P2RX6: variants seen among roughly 807,000 people sequenced by gnomAD.
P2RX6 encodes purinergic receptor P2X 6, also known as P2X purinoceptor 6.
Under a neutral mutation model 54.2 loss-of-function variants are expected in P2RX6, and 62 were observed. That is an observed-to-expected ratio of 1.14 (90% CI 0.93 to 1.41). The LOEUF (loss-of-function observed/expected upper bound fraction) is 1.41. P2RX6 is among the 40% of genes most tolerant of loss of function. The pLI, the probability that P2RX6 is intolerant of heterozygous loss-of-function variation, is 0.00. For missense variants in P2RX6, 541 were observed against 566.3 expected, an observed-to-expected ratio of 0.96 and a Z score of 0.45; for synonymous variants, 211 against 231.9, an observed-to-expected ratio of 0.91 and a Z score of 0.82.
exon 12 of P2RX6, chr22:21,027,984 TCACGGAGTAAAGCCAGCAAAGC>T: frequency 6.6e-6 from 1 of 152,040 alleles, no homozygotes; most frequent in African/African-American, 2.4e-5. Context: ...CTGGACAAAG[TCACGGAGTAAAGCCAGCAAAGC>T]CACCCTCTTC....
chr22:21,012,060 G>T (rs8139179), upstream of P2RX6, among the ~76,000 whole-genome samples: 416 of 152,320 alleles, frequency 2.7e-3, 2 homozygotes, highest in African/African-American at 9.6e-3. Flanking sequence ...ATGAGGTCTT[G>T]TGGGGGCCAT....
intron 3 of P2RX6, among the ~76,000 whole-genome samples, chr22:21,022,315 A>C (rs1216211995): frequency 6.6e-6 from 1 of 152,230 alleles, no homozygotes; most frequent in African/African-American, 2.4e-5. Context: ...GCGAGGCTGT[A>C]GTGAGCCATG....
At position 21,016,027 on chromosome 22, in the gene P2RX6, G is replaced by C; in HGVS notation, c.250G>C (p.Val84Leu). The C allele has an allele frequency of 6.4e-7, 1 of 1,556,142 alleles. No individual in the cohort carries two copies. Among genetic ancestry groups the C allele is most frequent in the Non-Finnish European group, 8.7e-7 (1 of 1,150,526 alleles). Residue 84 changes from valine (V) to leucine (L), a missense_variant, in exon 2 of 12, where the codon GTC (valine) becomes CTC (leucine). Val to Leu is a conservative substitution (Grantham distance 32, BLOSUM62 1). This residue lies in a region of P2RX6 where 526 missense variants were observed against 531.5 expected (regional missense o/e 0.99). Coordinates refer to ENST00000413302, the MANE Select transcript of P2RX6 (RefSeq NM_005446.5). ...SIITKLKGVSVTQIKELGNRL... is the reference protein window; with the variant it reads ...SIITKLKGVSLTQIKELGNRL... ...CATCACCAAACTCAAAGGGGTTTCC[G>C]TCACTCAGATCAAGGAGCTTGGAAA...
At chr22:21,015,000 G>A, upstream of P2RX6, 1 of 518,636 alleles carries the variant, frequency 1.9e-6, no homozygotes, top group South Asian at 2.8e-5. Context: ...CAAAGGGAAT[G>A]TAGGGAGGGT....
intron 3 of P2RX6, among the ~76,000 whole-genome samples, chr22:21,020,869 G>A (rs542020789): frequency 6.6e-6 from 1 of 152,046 alleles, no homozygotes; most frequent in South Asian, 2.1e-4. Context: ...TGGGATTACA[G>A]GTGTGCCAGG....
At position 21,026,453 on chromosome 22, in the gene P2RX6, TG is replaced by T; in HGVS notation, c.1164del (p.Trp388Ter). The T allele has an allele frequency of 6.2e-7, 1 of 1,603,668 alleles. No homozygotes were observed. The highest frequency in any genetic ancestry group is 8.5e-7 in the Non-Finnish European group (1 of 1,175,586). On this transcript the variant is annotated frameshift_variant, in exon 12 of 12. Transcript: ENST00000413302. LOFTEE classifies it low-confidence loss of function (END_TRUNC). The surrounding 1 kb of genome is among the most constrained non-coding windows in gnomAD (Gnocchi z 4.0). Reference sequence around the variant, plus strand: ...CCCGAAAGCAACCGCCAACTCTGTGTGGAGGGAGCTGGCCCTTGCATCCCAA... The same window carrying T: ...CCCGAAAGCAACCGCCAACTCTGTGTGAGGGAGCTGGCCCTTGCATCCCAA... ...KAPKATANSV[W>X]RELALASQAR...
At position 21,023,027 on chromosome 22, in the gene P2RX6, T is replaced by C; in HGVS notation, c.549T>C (p.Val183=). The change falls in exon 5 of 12, where the codon GTT becomes GTC. Residue 183 remains valine, a synonymous_variant. Transcript: ENST00000413302. ...IWSWCPVESG[V]VPSRPLLAQA... Reference sequence around the variant, plus strand: ...GTTGGTGCCCCGTGGAGAGTGGCGTTGTGCCCTCGTAAGTGTCCCCACAAT... The same window carrying C: ...GTTGGTGCCCCGTGGAGAGTGGCGTCGTGCCCTCGTAAGTGTCCCCACAAT... 6.2e-7 allele frequency: 1 copy of C among 1,613,368 alleles called. No individual in the cohort carries two copies. The highest frequency in any genetic ancestry group is 8.5e-7 in the Non-Finnish European group (1 of 1,179,428).
upstream of P2RX6, chr22:21,012,751 C>T: frequency 6.5e-6 from 2 of 307,386 alleles, no homozygotes; most frequent in Non-Finnish European, 1.2e-5. Flanking sequence ...AAGTACCCCC[C>T]TTTCCACCTG....
chr22:21,012,015 G>A (rs1301492066), upstream of P2RX6, among the ~76,000 whole-genome samples: 1 of 152,204 alleles, frequency 6.6e-6, no homozygotes, highest in Non-Finnish European at 1.5e-5. Flanking sequence ...CTTCAGGAGT[G>A]CATTTCACTT....
chr22:21,017,925 C>T, intron 2 of P2RX6, 64 bp from the exon 3 acceptor site: 2 of 1,028,756 alleles, frequency 1.9e-6, no homozygotes, highest in Non-Finnish European at 3.0e-6. Context: ...AACCAGGCTG[C>T]CGGCTTCCGG....
intron 3 of P2RX6, 102 bp from the exon 4 acceptor site, chr22:21,022,574 G>T (rs372351): frequency 0.13 from 101,326 of 810,424 alleles, 8,654 homozygotes; most frequent in East Asian, 0.4. Context: ...AGGTGGGAAG[G>T]GGGCCTGTCC....
chr22:21,016,499 G>GT (rs1926408686), intron 2 of P2RX6, among the ~76,000 whole-genome samples: 1 of 150,236 alleles, frequency 6.7e-6, no homozygotes, highest in Admixed American at 6.7e-5. Flanking sequence ...TGGGGCAGGA[G>GT]AATGGCATGA....
At chr22:21,025,462 C>A (rs1012425364) in intron 8 of P2RX6, among the ~76,000 whole-genome samples, 2 of 152,156 alleles carry the variant, frequency 1.3e-5, no homozygotes, top group African/African-American at 4.8e-5. Flanking sequence ...TCAGGCCCAG[C>A]CTCATGTCCC....
chr22:21,013,333 A>G (rs1489768927), upstream of P2RX6: 1 of 152,644 alleles, frequency 6.6e-6, no homozygotes, highest in East Asian at 1.9e-4. Flanking sequence ...CATATGACAG[A>G]TAAGAACATC....
In P2RX6 at chr22:21,015,438, G is replaced by A. The variant is rs112781073; in HGVS notation, c.164+100G>A. 6.0e-4 allele frequency: 813 copies of A among 1,351,694 alleles called. 9 individuals are homozygous for A. In the African/African-American group the frequency reaches 0.011, roughly 18 times the overall value. The allele number at this position is 1,351,694 out of a possible 1,614,324, so 83.7% of individuals were successfully genotyped here. ...TTGAAGTTGAGGGTTGGGCTGTTTA[G>A]GGGCTGGAGTGGAAGGGGGCAGATT... On this transcript the variant is annotated intron_variant, in intron 1 of 11. Transcript: ENST00000413302.
chr22:21,024,297 A>ATTTT (rs1928010380), intron 8 of P2RX6, among the ~76,000 whole-genome samples: 1 of 139,376 alleles, frequency 7.2e-6, no homozygotes, highest in Non-Finnish European at 1.5e-5. Flanking sequence ...TTTTTTTTTG[A>ATTTT]GATGGAGTCT....
chr22:21,022,818 TC>T lies in P2RX6; in HGVS notation c.463+69del, dbSNP rs1323926042. On this transcript the variant is annotated intron_variant, in intron 4 of 11. Transcript: ENST00000413302. Reference sequence around the variant, plus strand: ...GGGCCGGGCTGGGATCCTGGGTGGCTCCTGAGTGCAGGCCCTGCTCGCCTCT... The same window carrying T: ...GGGCCGGGCTGGGATCCTGGGTGGCTCTGAGTGCAGGCCCTGCTCGCCTCT... The T allele has an allele frequency of 6.1e-6, 9 of 1,478,872 alleles. No homozygotes were observed. The East Asian group carries it at 2.1e-4, about 34-fold the overall frequency. The allele number at this position is 1,478,872 out of a possible 1,614,324, so 91.6% of individuals were successfully genotyped here. A position where few individuals can be genotyped will look rare whatever the true frequency, so the allele number is the denominator to read the frequency against.
upstream of P2RX6, chr22:21,013,075 C>T (rs1925842756): frequency 6.2e-6 from 1 of 160,830 alleles, no homozygotes; most frequent in Non-Finnish European, 1.4e-5. Flanking sequence ...GCAGGTTCAG[C>T]TCTGGGGCAC....
rs574764862 is a variant in P2RX6 at position 21,026,552 on chromosome 22, C to G, written c.1261C>G (p.Gln421Glu). The G allele has an allele frequency of 1.3e-6, 2 of 1,591,736 alleles. No individual in the cohort carries two copies. The highest frequency in any genetic ancestry group is 1.7e-6 in the Non-Finnish European group (2 of 1,169,996). Reference sequence around the variant, plus strand: ...GGCCACTGCTGCTGGGAGTCAGACACAGACACCAGGATGGCCCTGTCCAAG... The same window carrying G: ...GGCCACTGCTGCTGGGAGTCAGACAGAGACACCAGGATGGCCCTGTCCAAG... The part of the protein sequence containing the change: ...PTATAAGSQT[Q>E]TPGWPCPSSD... The change falls in exon 12 of 12, where the codon CAG becomes GAG. Residue 421 changes from glutamine to glutamate, a missense_variant. By Grantham distance (29) the Gln-to-Glu change is conservative. Around this residue, in one of 2 missense-constraint regions of P2RX6, gnomAD observed 526 missense variants for 531.5 expected, o/e 0.99. Transcript: ENST00000413302. This position sits in a 1 kb window ranked among gnomAD's most constrained non-coding sequence, Gnocchi z 4.0.
Sources: allele counts gnomAD v4.1 joint callset (sites outside exome capture counted in the v4.1 genomes callset), GRCh38; gene constraint gnomAD v4.1.1; regional missense constraint gnomAD v4.1.1; non-coding constraint Gnocchi (gnomAD v3.1); transcripts MANE v1.5; gene names NCBI Gene and HGNC (gene_info 2026-07-23, HGNC 2026-07-21).